Variants in FRMD5 observed in about 807,000 individuals in gnomAD.
The protein encoded by FRMD5 is FERM domain containing 5.
Under a neutral mutation model 69.0 loss-of-function variants are expected in FRMD5, and 20 were observed. That is an observed-to-expected ratio of 0.29 (90% CI 0.20 to 0.42). The LOEUF is 0.42. Ranked by LOEUF, FRMD5 falls within the 10% of genes least tolerant of loss-of-function variation. The pLI is 1.00. For synonymous variants in FRMD5, 271 were observed against 260.1 expected, an observed-to-expected ratio of 1.04 and a Z score of -0.40; for missense variants, 595 against 708.6, an observed-to-expected ratio of 0.84 and a Z score of 1.82.
chr15:43,948,131 G>A (rs187797138), intron 1 of FRMD5, among the ~76,000 whole-genome samples: 1 of 152,276 alleles, frequency 6.6e-6, no homozygotes, highest in East Asian at 1.9e-4. Context: ...AGAGAAAGCA[G>A]GCAAACTTGC....
intron 1 of FRMD5, among the ~76,000 whole-genome samples, chr15:43,954,846 C>G (rs1179549234): frequency 6.6e-6 from 1 of 152,154 alleles, no homozygotes; most frequent in African/African-American, 2.4e-5. Context: ...TAGTACAGCA[C>G]CTAGCACTCT....
chr15:44,057,636 C>T (rs1892926229), intron 1 of FRMD5, among the ~76,000 whole-genome samples: 1 of 152,124 alleles, frequency 6.6e-6, no homozygotes, highest in African/African-American at 2.4e-5. Context: ...CAGTCAGGCT[C>T]TTGTTTCTAG....
chr15:43,938,422 T>G (rs2089801733), intron 1 of FRMD5, among the ~76,000 whole-genome samples: 1 of 152,236 alleles, frequency 6.6e-6, no homozygotes, highest in Admixed American at 6.5e-5. Context: ...CACGCTGCCT[T>G]GCTCCAAAGC....
intron 1 of FRMD5, among the ~76,000 whole-genome samples, chr15:44,117,610 A>G (rs1320917413): frequency 6.6e-6 from 1 of 152,206 alleles, no homozygotes; most frequent in Non-Finnish European, 1.5e-5. Flanking sequence ...ATCTTTGAGA[A>G]AAGCACATCA....
intron 1 of FRMD5, among the ~76,000 whole-genome samples, chr15:44,009,340 A>G (rs1194023738): frequency 6.6e-6 from 1 of 152,234 alleles, no homozygotes; most frequent in African/African-American, 2.4e-5. Context: ...GGAGTGAAAA[A>G]GAAATCTTAA....
At chr15:44,153,926 C>T (rs1466017436) in intron 1 of FRMD5, among the ~76,000 whole-genome samples, 2 of 152,004 alleles carry the variant, frequency 1.3e-5, no homozygotes, top group East Asian at 3.9e-4. Context: ...CAAGATGGCG[C>T]CACTGCACTC....
At chr15:43,951,328 AG>A (rs1302833975) in intron 1 of FRMD5, among the ~76,000 whole-genome samples, 1 of 151,724 alleles carries the variant, frequency 6.6e-6, no homozygotes, top group Non-Finnish European at 1.5e-5. Context: ...AGGCTGAGGC[AG>A]GAGAATGGTG....
chr15:43,875,162 A>T (rs897431395), intron 13 of FRMD5, among the ~76,000 whole-genome samples: 1 of 151,818 alleles, frequency 6.6e-6, no homozygotes, highest in East Asian at 1.9e-4. Context: ...GTGCCACTGC[A>T]CTCCAGCCTG....
intron 1 of FRMD5, among the ~76,000 whole-genome samples, chr15:44,163,690 G>A (rs1274531627): frequency 6.6e-6 from 1 of 152,154 alleles, no homozygotes; most frequent in East Asian, 1.9e-4. Flanking sequence ...GAAACAAAAC[G>A]TCCAAGTATT....
At chr15:44,039,963 C>T (rs1892115225) in intron 1 of FRMD5, among the ~76,000 whole-genome samples, 1 of 151,834 alleles carries the variant, frequency 6.6e-6, no homozygotes, top group Admixed American at 6.6e-5. Flanking sequence ...AGAATAACTA[C>T]TTTAGAGAAG....
In FRMD5 at chr15:44,004,525, C is replaced by T. The variant is rs551690683; in HGVS notation, c.103-80216G>A. 2.2e-4 allele frequency among the ~76,000 whole-genome samples: 33 copies of T among 152,188 alleles called. 1 individual carries two copies. In the East Asian group the frequency reaches 3.1e-3, roughly 14 times the overall value. On this transcript the variant is annotated intron_variant, in intron 1 of 13. Transcript: ENST00000417257. ...TTTCCATTAATATTATTTTTTCTTA[C>T]AGTGATCTGTGATCCTTAATGTTAC...
At chr15:44,107,450 T>A (rs1483313164) in intron 1 of FRMD5, among the ~76,000 whole-genome samples, 1 of 152,236 alleles carries the variant, frequency 6.6e-6, no homozygotes, top group African/African-American at 2.4e-5. Context: ...AACAATTCTA[T>A]TCCACACAAC....
At chr15:44,121,988 CA>C (rs34129381) in intron 1 of FRMD5, among the ~76,000 whole-genome samples, 24,982 of 70,160 alleles carry the variant, frequency 0.36, 1,896 homozygotes, top group African/African-American at 0.49. Flanking sequence ...AAGGGAGACT[CA>C]AAAAAAAAAA....
At chr15:44,148,239 T>C (rs1050055518) in intron 1 of FRMD5, among the ~76,000 whole-genome samples, 8 of 152,162 alleles carry the variant, frequency 5.3e-5, no homozygotes, top group Non-Finnish European at 1.2e-4. Flanking sequence ...ATACCTTGTT[T>C]TACTATGCTT....
At chr15:43,944,437 T>C (rs575655919) in intron 1 of FRMD5, among the ~76,000 whole-genome samples, 1 of 152,356 alleles carries the variant, frequency 6.6e-6, no homozygotes, top group Non-Finnish European at 1.5e-5. Flanking sequence ...CTTTTGTTTT[T>C]GAGACGGAGT....
intron 1 of FRMD5, among the ~76,000 whole-genome samples, chr15:44,008,360 T>C (rs1890556831): frequency 6.6e-6 from 1 of 152,048 alleles, no homozygotes; most frequent in Admixed American, 6.6e-5. Context: ...GCCTCCTGGG[T>C]TCAAGAGATT....
At chr15:44,195,945 G>T (rs137993945), upstream of FRMD5, among the ~76,000 whole-genome samples, 101 of 152,336 alleles carry the variant, frequency 6.6e-4, no homozygotes, top group African/African-American at 2.3e-3. Context: ...TCAGCTGGTA[G>T]GGAGCAGAGG....
chr15:44,076,496 C>A (rs1893773069), intron 1 of FRMD5, among the ~76,000 whole-genome samples: 2 of 150,462 alleles, frequency 1.3e-5, no homozygotes, highest in African/African-American at 2.5e-5. Context: ...AATTGGAAAT[C>A]ATCATTCTCA....
At chr15:44,025,241 T>A (rs775349954) in intron 1 of FRMD5, among the ~76,000 whole-genome samples, 1 of 152,036 alleles carries the variant, frequency 6.6e-6, no homozygotes, top group South Asian at 2.1e-4. Context: ...AAACTCCCTA[T>A]GAAAAAAATA....
Sources: gnomAD v4.1 joint callset for allele counts (sites outside exome capture counted in the v4.1 genomes callset) on GRCh38, gnomAD v4.1.1 for gene constraint, MANE v1.5 for transcripts, NCBI Gene and HGNC (gene_info 2026-07-23, HGNC 2026-07-21) for gene names.